Variants in BPIFA2 observed in about 807,000 individuals in gnomAD.
BPIFA2 encodes the protein BPI fold-containing family A member 2.
A neutral mutation model predicts 25.7 loss-of-function variants in BPIFA2; 20 were observed. That is an observed-to-expected ratio of 0.78 (90% CI 0.55 to 1.13). The LOEUF (loss-of-function observed/expected upper bound fraction) is 1.13, where lower values mean the gene tolerates loss of function less well. BPIFA2 is among the 50% of genes most tolerant of loss of function. The probability of loss-of-function intolerance (pLI) is 0.00; values close to 1 mark genes in which losing one functional copy is unlikely to be tolerated. For synonymous variants in BPIFA2, 126 were observed against 124.3 expected, an observed-to-expected ratio of 1.01 and a Z score of -0.09; for missense variants, 300 against 298.1, an observed-to-expected ratio of 1.01 and a Z score of -0.05.
chr20:33,173,800 G>A (rs1003558513), intron 3 of BPIFA2, among the ~76,000 whole-genome samples: 6 of 152,210 alleles, frequency 3.9e-5, no homozygotes, highest in Non-Finnish European at 5.9e-5. Flanking sequence ...CACCGTGCCC[G>A]GTCCCACTCA....
Position 33,179,663 on chromosome 20 carries a change from C to T in BPIFA2, c.705C>T (p.Val235=), listed in dbSNP as rs1984205263. ...HSLDVNVIQQ[V]VDNPQHKTQL... ...TGGATGTGAATGTCATTCAGCAGGT[C>T]GTCGGTAAGTCAATGGGGAAGTGGG... Residue 235 remains valine (V), a synonymous_variant, in exon 7 of 9, where the codon GTC becomes GTT. Coordinates refer to ENST00000354932, the MANE Select transcript of BPIFA2 (RefSeq NM_080574.4). 4 of 1,610,156 alleles carry T rather than the reference C, an allele frequency of 2.5e-6. No homozygotes were observed. Among genetic ancestry groups the T allele is most frequent in the South Asian group, 1.1e-5 (1 of 90,996 alleles).
At position 33,180,545 on chromosome 20, in the gene BPIFA2, G is replaced by A. The variant is rs2146459093; in HGVS notation, c.735G>A (p.Leu245=). Residue 245 remains leucine, a synonymous_variant, in exon 8 of 9, where the codon CTG becomes CTA. Coordinates refer to ENST00000354932, the MANE Select transcript of BPIFA2 (RefSeq NM_080574.4). The part of the protein sequence containing the change: ...VVDNPQHKTQ[L]QTLI The stretch of plus-strand genomic sequence containing the variant: ...ATAATCCTCAGCACAAAACCCAGCT[G>A]CAAACCCTCATCTGAAGAGGACGAA... 1 of 1,613,642 alleles carries A rather than the reference G, an allele frequency of 6.2e-7. No individual in the cohort carries two copies. Among genetic ancestry groups the A allele is most frequent in the Non-Finnish European group, 8.5e-7 (1 of 1,179,550 alleles).
At chr20:33,164,055 AC>A (rs1305242740), upstream of BPIFA2, among the ~76,000 whole-genome samples, 1 of 152,120 alleles carries the variant, frequency 6.6e-6, no homozygotes, top group Non-Finnish European at 1.5e-5. Context: ...GAATCAGCTC[AC>A]CTACTGCCCT....
At chr20:33,178,010 T>C (rs1984140715) in intron 5 of BPIFA2, 137 bp from the exon 6 acceptor site, 6 of 582,408 alleles carry the variant, frequency 1.0e-5, no homozygotes, top group Non-Finnish European at 1.8e-5. Context: ...GATGGGAGGC[T>C]CTGTCTGTTA....
At chr20:33,169,747 T>C (rs6120131) in intron 2 of BPIFA2, among the ~76,000 whole-genome samples, 14,052 of 152,230 alleles carry the variant, frequency 0.092, 2,123 homozygotes, top group African/African-American at 0.31. Flanking sequence ...TCTTTTTTCA[T>C]ATATTTACTA....
intron 5 of BPIFA2, among the ~76,000 whole-genome samples, chr20:33,177,389 G>C (rs6579086): frequency 6.6e-6 from 1 of 151,730 alleles, no homozygotes; most frequent in East Asian, 1.9e-4. Context: ...AGCATCTGCT[G>C]TGTGCCAGGC....
rs1295979131 is a variant in BPIFA2 at position 33,178,223 on chromosome 20, AAGG to A, written c.644_645+1del. The A allele has an allele frequency of 3.1e-6, 5 of 1,591,130 alleles. No individual in the cohort carries two copies. The highest frequency in any genetic ancestry group is 3.4e-5 in the Admixed American group (2 of 59,342). On this transcript the variant is annotated inframe_deletion and splice_region_variant, in exon 6 of 9. Coordinates refer to ENST00000354932, the MANE Select transcript of BPIFA2 (RefSeq NM_080574.4). ...AAGCACTGTATCCTCCCTGCTGCAGAAGGAGGTGAGTCTCCCACTCCTTGGAGC... is the reference window on the plus strand; with the variant it reads ...AAGCACTGTATCCTCCCTGCTGCAGAAGGTGAGTCTCCCACTCCTTGGAGC...
At chr20:33,170,197 A>G (rs529854626) in intron 2 of BPIFA2, among the ~76,000 whole-genome samples, 1 of 152,324 alleles carries the variant, frequency 6.6e-6, no homozygotes, top group Non-Finnish European at 1.5e-5. Flanking sequence ...TATATCACCA[A>G]TTTTATTTAA....
upstream of BPIFA2, among the ~76,000 whole-genome samples, chr20:33,163,425 G>A (rs1983634144): frequency 6.6e-6 from 1 of 152,176 alleles, no homozygotes; most frequent in Non-Finnish European, 1.5e-5. Flanking sequence ...AAGCTTTTAT[G>A]AAGGGATTTC....
chr20:33,168,568 C>A (rs1430281924), intron 1 of BPIFA2, among the ~76,000 whole-genome samples: 5 of 152,204 alleles, frequency 3.3e-5, no homozygotes, highest in Non-Finnish European at 7.3e-5. Flanking sequence ...TTATATTCAA[C>A]AAAGATTTAT....
upstream of BPIFA2, among the ~76,000 whole-genome samples, chr20:33,167,015 G>T (rs191926402): frequency 6.6e-6 from 1 of 152,200 alleles, no homozygotes; most frequent in Non-Finnish European, 1.5e-5. Flanking sequence ...TGCAGCAGGG[G>T]TCTAATGGTC....
intron 3 of BPIFA2, among the ~76,000 whole-genome samples, chr20:33,173,640 G>T (rs1045804535): frequency 2.6e-5 from 4 of 152,160 alleles, no homozygotes; most frequent in African/African-American, 9.7e-5. Flanking sequence ...GAGTAGCTGG[G>T]ATTAGAGGCA....
upstream of BPIFA2, among the ~76,000 whole-genome samples, chr20:33,166,756 G>A (rs765530409): frequency 1.3e-4 from 20 of 152,208 alleles, no homozygotes; most frequent in Non-Finnish European, 2.2e-4. Context: ...CAGGAACAGC[G>A]TGTTTACCCA....
intron 2 of BPIFA2, among the ~76,000 whole-genome samples, chr20:33,169,782 G>A (rs1291341602): frequency 6.6e-6 from 1 of 152,006 alleles, no homozygotes; most frequent in Non-Finnish European, 1.5e-5. Context: ...TTAACTTGAG[G>A]ATTTTGTCTA....
At position 33,181,366 on chromosome 20, in the gene BPIFA2, C is replaced by A. The variant is rs1488186270; in HGVS notation, c.*180C>A. On this transcript the variant is annotated 3_prime_UTR_variant, in exon 9 of 9. Coordinates refer to ENST00000354932, the MANE Select transcript of BPIFA2 (RefSeq NM_080574.4). ...TTCTCCTCACAGTCAGAACAGCAGCCTCTACACATGTTGTCCTGCCCCTGG... is the reference window on the plus strand; with the variant it reads ...TTCTCCTCACAGTCAGAACAGCAGCATCTACACATGTTGTCCTGCCCCTGG... 1 of 152,428 alleles carries A rather than the reference C, an allele frequency of 6.6e-6. No individual in the cohort carries two copies. Among genetic ancestry groups the A allele is most frequent in the Non-Finnish European group, 1.5e-5 (1 of 68,214 alleles). 9.4% of individuals were successfully genotyped at this position (152,428 alleles called of 1,614,324 possible).
At chr20:33,164,528 C>G (rs1281711985), upstream of BPIFA2, among the ~76,000 whole-genome samples, 1 of 152,004 alleles carries the variant, frequency 6.6e-6, no homozygotes, top group African/African-American at 2.4e-5. Context: ...TTTCTCCTCC[C>G]TTTCTTCTTC....
At position 33,180,565 on chromosome 20, in the gene BPIFA2, G is replaced by T. The variant is rs373405970; in HGVS notation, c.*5G>T. The stretch of plus-strand genomic sequence containing the variant: ...CAGCTGCAAACCCTCATCTGAAGAG[G>T]ACGAATGAGGAGGACCACTGTGGTG... On this transcript the variant is annotated 3_prime_UTR_variant, in exon 8 of 9. Coordinates refer to ENST00000354932, the MANE Select transcript of BPIFA2 (RefSeq NM_080574.4). 29 of 1,611,632 alleles carry T rather than the reference G, an allele frequency of 1.8e-5. No homozygotes were observed. The highest frequency in any genetic ancestry group is 2.2e-5 in the Non-Finnish European group (26 of 1,177,852).
At chr20:33,163,625 C>G (rs946921268), upstream of BPIFA2, among the ~76,000 whole-genome samples, 1 of 152,088 alleles carries the variant, frequency 6.6e-6, no homozygotes, top group Non-Finnish European at 1.5e-5. Flanking sequence ...GAGTTTGAGA[C>G]CAGCCTGGCC....
chr20:33,169,361 T>G, intron 2 of BPIFA2, 59 bp downstream of exon 2: 1 of 1,557,018 alleles, frequency 6.4e-7, no homozygotes, highest in Non-Finnish European at 8.8e-7. Context: ...ACACTATGCC[T>G]GCATTACCAG....
Sources: gnomAD v4.1 joint callset for allele counts (sites outside exome capture counted in the v4.1 genomes callset) on GRCh38, gnomAD v4.1.1 for gene constraint, MANE v1.5 for transcripts, NCBI Gene and HGNC (gene_info 2026-07-23, HGNC 2026-07-21) for gene names.